RBFOX1: variants seen among roughly 807,000 people sequenced by gnomAD.
RBFOX1 encodes RNA binding fox-1 homolog 1.
In RBFOX1, 8 loss-of-function variants were observed where a neutral mutation model predicts 57.7. The ratio of observed to expected loss-of-function variants is 0.14; its 90% confidence interval spans 0.08 to 0.25. The LOEUF (loss-of-function observed/expected upper bound fraction) is 0.25, where lower values mean the gene tolerates loss of function less well. Among genes scored for constraint, RBFOX1 ranks in the 10% least tolerant of loss-of-function variants. The pLI, the probability that RBFOX1 is intolerant of heterozygous loss-of-function variation, is 1.00. For missense variants in RBFOX1, 611 were observed against 548.5 expected (o/e 1.11, Z -1.14); for synonymous variants, 326 against 222.4 (o/e 1.47, Z -4.15).
intron 1 of RBFOX1, among the ~76,000 whole-genome samples, chr16:6,253,649 A>G (rs552679632): frequency 2.0e-5 from 3 of 149,872 alleles, no homozygotes; most frequent in Admixed American, 6.8e-5. Context: ...ATAATAGTTA[A>G]AAGAAATAGA....
chr16:6,039,987 C>T (rs562776239), intron 1 of RBFOX1, among the ~76,000 whole-genome samples: 30 of 152,288 alleles, frequency 2.0e-4, no homozygotes, highest in African/African-American at 6.7e-4. Context: ...TACAGCATGG[C>T]AGCTTTTGTC....
At chr16:6,710,694 C>T (rs969874380) in intron 3 of RBFOX1, among the ~76,000 whole-genome samples, 3 of 152,230 alleles carry the variant, frequency 2.0e-5, no homozygotes, top group African/African-American at 7.2e-5. Flanking sequence ...TTTGGAAATT[C>T]CCCACATCAA....
intron 1 of RBFOX1, among the ~76,000 whole-genome samples, chr16:5,291,465 C>G (rs904909007): frequency 3.3e-5 from 5 of 152,028 alleles, no homozygotes; most frequent in Admixed American, 6.6e-5. Flanking sequence ...GGGTTTCACC[C>G]TGTTAGCGAG....
At position 5,946,400 on chromosome 16, in the gene RBFOX1, A is replaced by C. The variant is rs1385479546; in HGVS notation, c.351+79065A>C. On this transcript the variant is annotated intron_variant, in intron 4 of 19. Coordinates refer to the RBFOX1 transcript ENST00000641259. This position sits in a 1 kb window ranked among gnomAD's most constrained non-coding sequence, Gnocchi z 4.6. ...TGCTCATGGATGTTTATCAAACACC[A>C]ACCAAGTGCCGGATGCACTACTCTA... Among the ~76,000 whole-genome samples the C allele has an allele frequency of 6.6e-6, 1 of 152,196 alleles. No homozygotes were observed. Among genetic ancestry groups the C allele is most frequent in the African/African-American group, 2.4e-5 (1 of 41,450 alleles).
At chr16:5,471,151 A>T (rs77550853) in intron 2 of RBFOX1, among the ~76,000 whole-genome samples, 2,077 of 151,854 alleles carry the variant, frequency 0.014, 96 homozygotes, top group East Asian at 0.12. Flanking sequence ...TTACTTTTAA[A>T]AACTCATTAC....
chr16:6,013,501 C>T (rs182580729), intron 4 of RBFOX1, among the ~76,000 whole-genome samples: 2 of 152,076 alleles, frequency 1.3e-5, no homozygotes, highest in Non-Finnish European at 2.9e-5. Context: ...TGATTCTAAG[C>T]CTGGCTACAT....
At chr16:6,041,693 T>G (rs1012897639) in intron 1 of RBFOX1, among the ~76,000 whole-genome samples, 5 of 152,126 alleles carry the variant, frequency 3.3e-5, no homozygotes, top group African/African-American at 1.2e-4. Context: ...AGGGGAAGTC[T>G]TAGTCTAAGG....
At chr16:6,671,236 C>T (rs1209963361) in intron 3 of RBFOX1, among the ~76,000 whole-genome samples, 1 of 152,122 alleles carries the variant, frequency 6.6e-6, no homozygotes, top group Non-Finnish European at 1.5e-5. Context: ...AATGCTTAAT[C>T]TTAAGGTAAT....
At chr16:6,895,486 A>ATATATATATATATATATATATATG (rs1231560510) in intron 3 of RBFOX1, among the ~76,000 whole-genome samples, 7 of 92,074 alleles carry the variant, frequency 7.6e-5, no homozygotes, top group Non-Finnish European at 1.5e-4. Context: ...ATATATATAT[A>ATATATATATATATATATATATATG]TTTATTCCCC....
intron 2 of RBFOX1, among the ~76,000 whole-genome samples, chr16:6,551,530 C>T (rs1456391041): frequency 6.6e-6 from 1 of 152,154 alleles, no homozygotes; most frequent in Non-Finnish European, 1.5e-5. Flanking sequence ...AGTCTGCAGG[C>T]TGGTAGCACA....
chr16:6,778,225 T>A (rs2079723338), intron 3 of RBFOX1, among the ~76,000 whole-genome samples: 1 of 152,172 alleles, frequency 6.6e-6, no homozygotes, highest in African/African-American at 2.4e-5. Context: ...GTCAGTAAAT[T>A]AAAACATTAA....
intron 3 of RBFOX1, among the ~76,000 whole-genome samples, chr16:6,752,034 C>G (rs1037310663): frequency 6.6e-6 from 1 of 152,146 alleles, no homozygotes; most frequent in Admixed American, 6.6e-5. Flanking sequence ...CAAGTTACCA[C>G]TGCTTTCAAC....
chr16:6,624,122 C>A (rs1211645523), intron 2 of RBFOX1, among the ~76,000 whole-genome samples: 1 of 152,038 alleles, frequency 6.6e-6, no homozygotes, highest in South Asian at 2.1e-4. Context: ...ACGGACAACA[C>A]TGGAAAAACA....
chr16:6,568,320 G>C (rs756904274), intron 2 of RBFOX1, among the ~76,000 whole-genome samples: 5 of 152,128 alleles, frequency 3.3e-5, no homozygotes, highest in African/African-American at 4.8e-5. Flanking sequence ...CACTCATATG[G>C]ATATTGGCAG....
At chr16:7,062,402 G>T (rs1464139500) in intron 4 of RBFOX1, among the ~76,000 whole-genome samples, 1 of 151,594 alleles carries the variant, frequency 6.6e-6, no homozygotes, top group Non-Finnish European at 1.5e-5. Context: ...CATGGCCATA[G>T]TTAAACCTTA....
At chr16:6,885,307 G>A (rs1255252704) in intron 3 of RBFOX1, among the ~76,000 whole-genome samples, 3 of 152,156 alleles carry the variant, frequency 2.0e-5, no homozygotes, top group East Asian at 3.9e-4. Flanking sequence ...CTCGCTGCAG[G>A]CAAACTGAGT....
intron 4 of RBFOX1, among the ~76,000 whole-genome samples, chr16:7,131,008 A>T (rs2070192521): frequency 6.6e-6 from 1 of 152,162 alleles, no homozygotes; most frequent in Non-Finnish European, 1.5e-5. Flanking sequence ...GTATCTTAAA[A>T]GTTAGAAATT....
intron 3 of RBFOX1, among the ~76,000 whole-genome samples, chr16:6,754,657 G>A (rs2075493837): frequency 6.6e-6 from 1 of 152,064 alleles, no homozygotes; most frequent in South Asian, 2.1e-4. Context: ...TGTTTTAGAG[G>A]TGGGAGAAAG....
chr16:7,631,177 G>A (rs1335347894), intron 11 of RBFOX1, among the ~76,000 whole-genome samples: 2 of 151,680 alleles, frequency 1.3e-5, no homozygotes, highest in Admixed American at 6.6e-5. Context: ...AGGAGGAGGA[G>A]GAGGAGGAGG....
Sources: allele counts gnomAD v4.1 joint callset (sites outside exome capture counted in the v4.1 genomes callset), GRCh38; gene constraint gnomAD v4.1.1; non-coding constraint Gnocchi (gnomAD v3.1); transcripts MANE v1.5; gene names NCBI Gene and HGNC (gene_info 2026-07-23, HGNC 2026-07-21).